Variants in SAMD3 observed in about 807,000 individuals in gnomAD.
SAMD3 encodes the protein sterile alpha motif domain containing 3, also known as sterile alpha motif domain-containing protein 3.
A neutral mutation model predicts 58.5 loss-of-function variants in SAMD3; 63 were observed. The observed-to-expected ratio is 1.08, with a 90% CI of 0.88 to 1.33. The LOEUF (loss-of-function observed/expected upper bound fraction) is 1.33, where lower values mean the gene tolerates loss of function less well. Ranked by LOEUF, SAMD3 falls within the 40% of genes most tolerant of loss-of-function variation. The pLI, the probability that SAMD3 is intolerant of heterozygous loss-of-function variation, is 0.00. For missense variants in SAMD3, 604 were observed against 608.4 expected (o/e 0.99, Z 0.08); for synonymous variants, 220 against 210.3 (o/e 1.05, Z -0.40).
In SAMD3 at chr6:130,175,939, C is replaced by T. The variant is rs1791682798; in HGVS notation, c.724G>A (p.Val242Met). Residue 242 changes from valine to methionine, a missense_variant, in exon 8 of 12, where the codon GTG becomes ATG. Transcript: ENST00000439090. ...CCAAATTTACACTTATTTCTAATCA[C>T]TTGCTCATCATCTTCTATGGGTCTT... Reference protein sequence around the residue: ...VRRPIEDDEQVIRNKCKFGHR... With the variant: ...VRRPIEDDEQMIRNKCKFGHR... 6.2e-7 allele frequency: 1 copy of T among 1,613,404 alleles called. No homozygotes were observed. Among genetic ancestry groups the T allele is most frequent in the Non-Finnish European group, 8.5e-7 (1 of 1,179,462 alleles).
At chr6:130,210,322 G>T (rs1301689438) in intron 4 of SAMD3, among the ~76,000 whole-genome samples, 1 of 152,208 alleles carries the variant, frequency 6.6e-6, no homozygotes, top group Non-Finnish European at 1.5e-5. Flanking sequence ...GCCAGGCCAG[G>T]TGTGGTGGCT....
Position 130,214,450 on chromosome 6 carries a change from G to A in SAMD3, c.156C>T (p.His52=). The part of the protein sequence containing the change: ...MVQQLVKKIG[H]QAVLMDLIKK... ...TAATTAAATCCATCAGAACAGCCTG[G>A]TGCCCAATTTTCTTTACCAGTTGCT... is the stretch of plus-strand genomic sequence containing the variant. Residue 52 remains histidine (H), a synonymous_variant, in exon 4 of 12, where the codon CAC becomes CAT. Transcript: ENST00000439090. The A allele has an allele frequency of 6.2e-7, 1 of 1,613,086 alleles. No homozygotes were observed. The highest frequency in any genetic ancestry group is 8.5e-7 in the Non-Finnish European group (1 of 1,179,510).
intron 2 of SAMD3, among the ~76,000 whole-genome samples, chr6:130,285,393 G>C (rs469431): frequency 6.6e-6 from 1 of 152,130 alleles, no homozygotes; most frequent in Admixed American, 6.6e-5. Flanking sequence ...ATAAAATCCA[G>C]AAAAGCAGCC....
chr6:130,274,243 T>G (rs1372360291), intron 2 of SAMD3, among the ~76,000 whole-genome samples: 1 of 152,162 alleles, frequency 6.6e-6, no homozygotes. Context: ...TGATAAGAAA[T>G]CCACTGATAG....
intron 2 of SAMD3, among the ~76,000 whole-genome samples, chr6:130,304,430 A>C (rs1240144109): frequency 1.3e-5 from 2 of 152,178 alleles, no homozygotes; most frequent in African/African-American, 4.8e-5. Flanking sequence ...TCGGCCTCCC[A>C]AAGTGCTGGG....
intron 7 of SAMD3, among the ~76,000 whole-genome samples, chr6:130,182,535 G>A (rs1394930399): frequency 2.0e-5 from 3 of 150,182 alleles, no homozygotes; most frequent in East Asian, 4.0e-4. Flanking sequence ...AGGAAGAAAG[G>A]AAGGAAGGAA....
At chr6:130,297,948 G>A (rs183490326) in intron 2 of SAMD3, among the ~76,000 whole-genome samples, 33 of 152,258 alleles carry the variant, frequency 2.2e-4, no homozygotes, top group African/African-American at 6.5e-4. Context: ...AAGCAACTTG[G>A]AAAACATACT....
In SAMD3 at chr6:130,309,505, C is replaced by T. The variant is rs534603184; in HGVS notation, c.-188+3473G>A. Reference sequence around the variant, plus strand: ...TGCTTTTAAGTCCACAAAGTCAATGCTAGTGCTTTTAAAATCATTGATATC... The same window carrying T: ...TGCTTTTAAGTCCACAAAGTCAATGTTAGTGCTTTTAAAATCATTGATATC... On this transcript the variant is annotated intron_variant, in intron 2 of 13. Transcript: ENST00000368134. 7.2e-5 allele frequency among the ~76,000 whole-genome samples: 11 copies of T among 152,250 alleles called. No individual in the cohort carries two copies. In the South Asian group the frequency reaches 2.3e-3, roughly 32 times the overall value.
chr6:130,285,659 G>C (rs887805887), intron 2 of SAMD3, among the ~76,000 whole-genome samples: 2 of 152,228 alleles, frequency 1.3e-5, no homozygotes, highest in Non-Finnish European at 2.9e-5. Flanking sequence ...TATGCGATAA[G>C]CATGTATTTT....
chr6:130,202,114 C>T (rs958686044), intron 5 of SAMD3, among the ~76,000 whole-genome samples: 2 of 152,320 alleles, frequency 1.3e-5, no homozygotes, highest in African/African-American at 4.8e-5. Flanking sequence ...TTGGACCTCT[C>T]TAAAGACTTA....
chr6:130,280,970 A>G (rs954892986), intron 2 of SAMD3, among the ~76,000 whole-genome samples: 1 of 152,198 alleles, frequency 6.6e-6, no homozygotes, highest in South Asian at 2.1e-4. Flanking sequence ...ATAGTATTGA[A>G]CTTTCTATAT....
At chr6:130,339,988 T>A (rs1331496616) in intron 1 of SAMD3, among the ~76,000 whole-genome samples, 1 of 152,198 alleles carries the variant, frequency 6.6e-6, no homozygotes, top group African/African-American at 2.4e-5. Context: ...CTCTTAATAT[T>A]GCCATAGGTT....
At chr6:130,364,088 G>A (rs933790873) in intron 1 of SAMD3, among the ~76,000 whole-genome samples, 8 of 152,062 alleles carry the variant, frequency 5.3e-5, no homozygotes, top group African/African-American at 1.2e-4. Context: ...CATTTTACCC[G>A]CCTCTTCTGA....
chr6:130,279,437 T>G (rs1000411156), intron 2 of SAMD3, among the ~76,000 whole-genome samples: 2 of 151,846 alleles, frequency 1.3e-5, no homozygotes, highest in Non-Finnish European at 2.9e-5. Context: ...TCCATGATTG[T>G]AAGTTTCCTG....
intron 1 of SAMD3, among the ~76,000 whole-genome samples, chr6:130,221,062 G>A (rs1047728244): frequency 1.3e-5 from 2 of 151,830 alleles, no homozygotes; most frequent in Non-Finnish European, 2.9e-5. Context: ...CACTGTGTTA[G>A]CCAGGATGGT....
chr6:130,310,596 A>G (rs1776115359), intron 2 of SAMD3, among the ~76,000 whole-genome samples: 1 of 152,150 alleles, frequency 6.6e-6, no homozygotes, highest in African/African-American at 2.4e-5. Flanking sequence ...TATAGTTTTT[A>G]TATTCTATTT....
chr6:130,349,758 A>G (rs144218763), intron 1 of SAMD3, among the ~76,000 whole-genome samples: 11,203 of 152,264 alleles, frequency 0.074, 564 homozygotes, highest in Middle Eastern at 0.14. Flanking sequence ...CTTGGCACAG[A>G]CACAACAAAA....
Position 130,285,413 on chromosome 6 carries a change from AAG to A in SAMD3, c.-188+27563_-188+27564del, listed in dbSNP as rs1259302351. ...ATCCAGAAAAGCAGCCTCACTAGTA[AAG>A]AGAGAGAGAGGGAAGTAAGGAGAGC... On this transcript the variant is annotated intron_variant, in intron 2 of 13. Coordinates refer to the SAMD3 transcript ENST00000368134. Among the ~76,000 whole-genome samples, 6 of 152,082 alleles carry A rather than the reference AAG, an allele frequency of 3.9e-5. No homozygotes were observed. The East Asian group carries it at 7.7e-4, about 20-fold the overall frequency.
At chr6:130,311,974 G>T (rs571689416) in intron 2 of SAMD3, among the ~76,000 whole-genome samples, 3 of 152,074 alleles carry the variant, frequency 2.0e-5, no homozygotes, top group African/African-American at 7.2e-5. Context: ...GCATCCCTTT[G>T]CTTCTCCCCC....
Sources: gnomAD v4.1 joint callset for allele counts (sites outside exome capture counted in the v4.1 genomes callset) on GRCh38, gnomAD v4.1.1 for gene constraint, MANE v1.5 for transcripts, NCBI Gene and HGNC (gene_info 2026-07-23, HGNC 2026-07-21) for gene names.